The following AGO3 variants were observed in gnomAD, a reference collection of about 807,000 sequenced individuals.
AGO3 encodes protein argonaute-3.
In AGO3, 16 loss-of-function variants were observed where a neutral mutation model predicts 105.5. That is an observed-to-expected ratio of 0.15 (90% CI 0.10 to 0.23). The LOEUF is 0.23. AGO3 is among the 10% of genes least tolerant of loss of function. The pLI, the probability that AGO3 is intolerant of heterozygous loss-of-function variation, is 1.00. For missense variants in AGO3, 534 were observed against 1,088.0 expected, an observed-to-expected ratio of 0.49 and a Z score of 7.16; for synonymous variants, 340 against 367.3, an observed-to-expected ratio of 0.93 and a Z score of 0.85.
At chr1:35,973,290 A>T in intron 4 of AGO3, 85 bp from the exon 5 acceptor site, 1 of 1,262,642 alleles carries the variant, frequency 7.9e-7, no homozygotes, top group South Asian at 3.0e-5. Context: ...CATTATGTTA[A>T]TTGTGCTCTA....
In AGO3 at chr1:36,040,456, G is replaced by A; in HGVS notation, c.2172+15G>A. ...GGACAGAAAGGGTAATCTCACCTCT[G>A]TTGTAATACTGTTATAAACCAAGCT... On this transcript the variant is annotated intron_variant, in intron 16 of 18. Coordinates refer to ENST00000373191, the MANE Select transcript of AGO3 (RefSeq NM_024852.4). The A allele has an allele frequency of 6.2e-7, 1 of 1,613,672 alleles. No homozygotes were observed. Among genetic ancestry groups the A allele is most frequent in the Non-Finnish European group, 8.5e-7 (1 of 1,179,814 alleles).
intron 14 of AGO3, among the ~76,000 whole-genome samples, chr1:36,038,272 TGAGACAGAGCCTCGCTC>T (rs1355566396): frequency 1.3e-4 from 20 of 149,032 alleles, no homozygotes; most frequent in African/African-American, 5.0e-4. Context: ...TTTTTTTTTT[TGAGACAGAGCCTCGCTC>T]TGTAGCTCAC....
At chr1:35,945,659 T>G (rs768080657) in intron 1 of AGO3, 33 bp from the exon 2 acceptor site, 3 of 1,604,718 alleles carry the variant, frequency 1.9e-6, no homozygotes, top group Non-Finnish European at 1.7e-6. Context: ...AGCTTGTAAC[T>G]GTGACTCTTT....
intron 3 of AGO3, 49 bp from the exon 4 acceptor site, chr1:35,971,975 G>A (rs1339962262): frequency 6.6e-7 from 1 of 1,509,644 alleles, no homozygotes; most frequent in Admixed American, 1.7e-5. Context: ...TAAAATAATT[G>A]TATTTATCTT....
chr1:36,049,893 T>G (rs1642632293), intron 17 of AGO3, among the ~76,000 whole-genome samples: 1 of 152,220 alleles, frequency 6.6e-6, no homozygotes, highest in South Asian at 2.1e-4. Context: ...CAGCCAACAC[T>G]GGAGCATCCA....
At chr1:36,037,697 A>C (rs919745471) in intron 14 of AGO3, among the ~76,000 whole-genome samples, 1 of 151,988 alleles carries the variant, frequency 6.6e-6, no homozygotes, top group Admixed American at 6.5e-5. Context: ...TTTATCTATT[A>C]ATTCTCTTGC....
chr1:35,983,639 T>C (rs1178100331), intron 5 of AGO3, among the ~76,000 whole-genome samples: 1 of 152,070 alleles, frequency 6.6e-6, no homozygotes, highest in Non-Finnish European at 1.5e-5. Context: ...TCTGAAATTT[T>C]CTGTGATTAT....
At chr1:35,962,776 G>C (rs988135499) in intron 2 of AGO3, among the ~76,000 whole-genome samples, 2 of 151,862 alleles carry the variant, frequency 1.3e-5, no homozygotes, top group African/African-American at 4.8e-5. Flanking sequence ...TTATAAAGAA[G>C]AACCAAAAAA....
intron 12 of AGO3, among the ~76,000 whole-genome samples, chr1:36,028,650 G>A (rs1352860509): frequency 1.3e-5 from 2 of 151,540 alleles, no homozygotes; most frequent in East Asian, 1.9e-4. Context: ...TATCATTGTT[G>A]GACATTTGGG....
At chr1:35,967,402 T>TATTTC (rs1461010203) in intron 3 of AGO3, among the ~76,000 whole-genome samples, 1 of 102,638 alleles carries the variant, frequency 9.7e-6, no homozygotes, top group Non-Finnish European at 1.7e-5. Context: ...CATTAATATT[T>TATTTC]ATTTTATTTT....
chr1:36,030,930 T>C (rs1448649699), intron 12 of AGO3, among the ~76,000 whole-genome samples: 3 of 152,368 alleles, frequency 2.0e-5, no homozygotes, highest in South Asian at 4.1e-4. Flanking sequence ...TAGGTAACAT[T>C]ATACCACTTC....
At chr1:36,024,652 A>T (rs1010686641) in intron 11 of AGO3, among the ~76,000 whole-genome samples, 1 of 152,112 alleles carries the variant, frequency 6.6e-6, no homozygotes, top group African/African-American at 2.4e-5. Flanking sequence ...CTTCTCTTTG[A>T]CTAAGAGTGA....
intron 2 of AGO3, among the ~76,000 whole-genome samples, chr1:35,952,108 C>T (rs1174864367): frequency 1.4e-5 from 2 of 139,894 alleles, no homozygotes; most frequent in Non-Finnish European, 3.0e-5. Context: ...GGTTCTGGGT[C>T]GGTCTTTCTT....
chr1:35,980,359 T>G (rs1647031773), intron 5 of AGO3, among the ~76,000 whole-genome samples: 1 of 152,248 alleles, frequency 6.6e-6, no homozygotes, highest in African/African-American at 2.4e-5. Context: ...TATTCTACTC[T>G]TAACATCCAT....
Position 36,056,034 on chromosome 1 carries a change from C to A in AGO3, c.*289C>A, listed in dbSNP as rs553869625. Reference sequence around the variant, plus strand: ...TTCTTGTAGTCTAACCCTTTTAATGCCTTTACCTCAAGTTGCTTGGCAGCA... The same window carrying A: ...TTCTTGTAGTCTAACCCTTTTAATGACTTTACCTCAAGTTGCTTGGCAGCA... On this transcript the variant is annotated 3_prime_UTR_variant, in exon 19 of 19. Coordinates refer to ENST00000373191, the MANE Select transcript of AGO3 (RefSeq NM_024852.4). The A allele has an allele frequency of 5.6e-5, 13 of 230,756 alleles. No homozygotes were observed. The South Asian group carries it at 1.9e-3, about 33-fold the overall frequency. The allele number at this position is 230,756 out of a possible 1,614,324, so 14.3% of individuals were successfully genotyped here.
chr1:36,009,323 C>A, intron 8 of AGO3, 152 bp from the exon 9 acceptor site: 1 of 920,410 alleles, frequency 1.1e-6, no homozygotes, highest in Non-Finnish European at 1.6e-6. Flanking sequence ...TACTGTAGAG[C>A]TGTCTTGTTT....
intron 16 of AGO3, among the ~76,000 whole-genome samples, chr1:36,042,513 G>A (rs924302918): frequency 2.6e-5 from 4 of 152,146 alleles, no homozygotes; most frequent in African/African-American, 9.7e-5. Context: ...GTAAAGTGAA[G>A]CTGGTTGGTC....
chr1:36,039,532 A>G, intron 14 of AGO3, among the ~76,000 whole-genome samples: 1 of 146,664 alleles, frequency 6.8e-6, no homozygotes. Flanking sequence ...AAAGAGAGAG[A>G]GATGGGGTCT....
chr1:35,955,147 A>G (rs930247509), intron 2 of AGO3, among the ~76,000 whole-genome samples: 1 of 152,206 alleles, frequency 6.6e-6, no homozygotes, highest in Non-Finnish European at 1.5e-5. Context: ...AATAGTAGAG[A>G]GCCAATAGAA....
Sources: gnomAD v4.1 joint callset for allele counts (sites outside exome capture counted in the v4.1 genomes callset) on GRCh38, gnomAD v4.1.1 for gene constraint, MANE v1.5 for transcripts, NCBI Gene and HGNC (gene_info 2026-07-23, HGNC 2026-07-21) for gene names.